Variants in ACTN1 observed in about 807,000 individuals in gnomAD.
ACTN1 encodes the protein actinin alpha 1, also known as alpha-actinin-1.
ACTN1 carries 30 observed loss-of-function variants against 119.6 expected under a neutral mutation model. That is an observed-to-expected ratio of 0.25 (90% CI 0.19 to 0.34). ACTN1 has a LOEUF of 0.34. Among genes scored for constraint, ACTN1 ranks in the 10% least tolerant of loss-of-function variants. The pLI is 1.00. For synonymous variants in ACTN1, 429 were observed against 472.6 expected (o/e 0.91, Z 1.20); for missense variants, 764 against 1,223.4 (o/e 0.62, Z 5.60).
chr14:68,901,371 C>T (rs1594784881), intron 8 of ACTN1, among the ~76,000 whole-genome samples: 2 of 151,816 alleles, frequency 1.3e-5, no homozygotes, highest in South Asian at 4.2e-4. Context: ...TCTCAGCCTC[C>T]TGAATAGCTG....
chr14:68,939,973 T>C (rs1231385538), intron 1 of ACTN1, among the ~76,000 whole-genome samples: 1 of 152,230 alleles, frequency 6.6e-6, no homozygotes, highest in Non-Finnish European at 1.5e-5. Flanking sequence ...GTTCAGCTAC[T>C]GAACAGTGGC....
intron 1 of ACTN1, among the ~76,000 whole-genome samples, chr14:68,934,083 A>G (rs1356173912): frequency 6.6e-6 from 1 of 152,230 alleles, no homozygotes; most frequent in African/African-American, 2.4e-5. Context: ...CAAAAATGTC[A>G]GCAGGCTAAA....
At chr14:68,888,366 T>G (rs1456737060) in intron 11 of ACTN1, 5 of 273,330 alleles carry the variant, frequency 1.8e-5, no homozygotes, top group Non-Finnish European at 3.5e-5. Context: ...CTTTGTACCT[T>G]GGCTGTGAGC....
chr14:68,897,458 C>G (rs866136114), intron 8 of ACTN1, among the ~76,000 whole-genome samples: 2 of 151,584 alleles, frequency 1.3e-5, no homozygotes, highest in Non-Finnish European at 3.0e-5. Flanking sequence ...TTAGCTATCC[C>G]AAGCCAAACT....
At chr14:68,940,373 T>C (rs2140487534) in intron 1 of ACTN1, among the ~76,000 whole-genome samples, 1 of 152,310 alleles carries the variant, frequency 6.6e-6, no homozygotes, top group East Asian at 1.9e-4. Flanking sequence ...ACCCGGGGTC[T>C]GGCAGACTCT....
intron 1 of ACTN1, among the ~76,000 whole-genome samples, chr14:68,971,735 G>A (rs2036892638): frequency 6.6e-6 from 1 of 152,162 alleles, no homozygotes; most frequent in African/African-American, 2.4e-5. Flanking sequence ...TGGGTGGCAG[G>A]CCTAGGGAAG....
At chr14:68,896,251 T>C (rs1160802073) in intron 8 of ACTN1, among the ~76,000 whole-genome samples, 1 of 151,994 alleles carries the variant, frequency 6.6e-6, no homozygotes, top group Non-Finnish European at 1.5e-5. Context: ...CCTCTCCCTT[T>C]CTCTCGCAGC....
At chr14:68,906,677 C>A (rs2033685009) in intron 6 of ACTN1, among the ~76,000 whole-genome samples, 1 of 152,324 alleles carries the variant, frequency 6.6e-6, no homozygotes, top group South Asian at 2.1e-4. Context: ...GAAGGAAGAG[C>A]TTCCCAGTCG....
At chr14:68,931,382 A>C (rs35104838) in intron 1 of ACTN1, among the ~76,000 whole-genome samples, 25,130 of 152,174 alleles carry the variant, frequency 0.17, 3,055 homozygotes, top group East Asian at 0.65. Context: ...AGAGATCATT[A>C]CAGATGGTAA....
At chr14:68,950,853 G>A (rs541185778) in intron 1 of ACTN1, among the ~76,000 whole-genome samples, 7 of 152,168 alleles carry the variant, frequency 4.6e-5, no homozygotes, top group South Asian at 4.2e-4. Flanking sequence ...GAGCCACCAC[G>A]TCCGGCCCTA....
intron 1 of ACTN1, among the ~76,000 whole-genome samples, chr14:68,955,054 A>G (rs1469534471): frequency 6.6e-6 from 1 of 152,086 alleles, no homozygotes; most frequent in African/African-American, 2.4e-5. Context: ...TCCATGCCAC[A>G]CTCAATTCTG....
chr14:68,947,045 CA>C (rs1488458844), intron 1 of ACTN1, among the ~76,000 whole-genome samples: 1 of 152,216 alleles, frequency 6.6e-6, no homozygotes, highest in African/African-American at 2.4e-5. Context: ...AATGACACAG[CA>C]ACTGGCAGAG....
Position 68,880,729 on chromosome 14 carries a change from C to T in ACTN1, c.2133+81G>A. ...ATTTATCCTCCAACTATGACCTGTT[C>T]CCTTGGAGACTTCCCCACCCAGGAG... On this transcript the variant is annotated intron_variant, in intron 17 of 21. Coordinates refer to ENST00000394419, the MANE Select transcript of ACTN1 (RefSeq NM_001130004.2). This position sits in a 1 kb window ranked among gnomAD's most constrained non-coding sequence, Gnocchi z 4.6. 8 of 1,451,002 alleles carry T rather than the reference C, an allele frequency of 5.5e-6. No homozygotes were observed. In the South Asian group the frequency reaches 9.9e-5, roughly 18 times the overall value. The allele number at this position is 1,451,002 out of a possible 1,614,324, so 89.9% of individuals were successfully genotyped here.
intron 13 of ACTN1, 134 bp from the exon 14 acceptor site, chr14:68,884,442 G>T: frequency 9.1e-7 from 1 of 1,103,412 alleles, no homozygotes; most frequent in Non-Finnish European, 1.3e-6. Context: ...AGCTCTTCCT[G>T]CCAGCTGTAT....
In ACTN1 at chr14:68,979,248, G is replaced by A. The variant is rs1466367623; in HGVS notation, c.-192C>T. 9.2e-6 allele frequency: 4 copies of A among 434,358 alleles called. No individual in the cohort carries two copies. Among genetic ancestry groups the A allele is most frequent in the African/African-American group, 6.4e-5 (3 of 47,058 alleles). The allele number at this position is 434,358 out of a possible 1,614,324, so 26.9% of individuals were successfully genotyped here. On this transcript the variant is annotated 5_prime_UTR_variant, in exon 1 of 22. Coordinates refer to ENST00000394419, the MANE Select transcript of ACTN1 (RefSeq NM_001130004.2). Reference sequence around the variant, plus strand: ...TACTGGCGGCGACAGCGGCGGCTGGGCTCGCGGACTGCCTGCCTCTGGGCG... The same window carrying A: ...TACTGGCGGCGACAGCGGCGGCTGGACTCGCGGACTGCCTGCCTCTGGGCG...
At chr14:68,890,584 G>C (rs1361761877) in intron 10 of ACTN1, among the ~76,000 whole-genome samples, 1 of 152,210 alleles carries the variant, frequency 6.6e-6, no homozygotes, top group African/African-American at 2.4e-5. Flanking sequence ...GACTCTCCCT[G>C]ACTAGGACTG....
At chr14:68,930,440 A>C (rs533354710) in intron 1 of ACTN1, among the ~76,000 whole-genome samples, 2 of 152,358 alleles carry the variant, frequency 1.3e-5, no homozygotes, top group East Asian at 3.9e-4. Flanking sequence ...ACACTCTGCA[A>C]GGAGCTGGGG....
In ACTN1 at chr14:68,910,981, C is replaced by T. The variant is rs2033973784; in HGVS notation, c.428-939G>A. 3.3e-5 allele frequency among the ~76,000 whole-genome samples: 5 copies of T among 152,150 alleles called. No individual in the cohort carries two copies. The South Asian group carries it at 1.0e-3, about 32-fold the overall frequency. ...TAAACCTCTTTTTATTTATAAATTACCCAGTCTCGGGTATGTCCTTACCAG... is the reference window on the plus strand; with the variant it reads ...TAAACCTCTTTTTATTTATAAATTATCCAGTCTCGGGTATGTCCTTACCAG... On this transcript the variant is annotated intron_variant, in intron 4 of 21. Coordinates refer to ENST00000394419, the MANE Select transcript of ACTN1 (RefSeq NM_001130004.2).
chr14:68,969,346 C>G (rs543612682), intron 1 of ACTN1, among the ~76,000 whole-genome samples: 1 of 152,180 alleles, frequency 6.6e-6, no homozygotes, highest in Non-Finnish European at 1.5e-5. Flanking sequence ...GGGGTCTGGC[C>G]CCATTTCCCT....
Sources: gnomAD v4.1 joint callset for allele counts (sites outside exome capture counted in the v4.1 genomes callset) on GRCh38, gnomAD v4.1.1 for gene constraint, Gnocchi (gnomAD v3.1) non-coding constraint, MANE v1.5 for transcripts, NCBI Gene and HGNC (gene_info 2026-07-23, HGNC 2026-07-21) for gene names.